The following HIGD1B variants were observed in gnomAD, a reference collection of about 807,000 sequenced individuals.
HIGD1B encodes HIG1 domain family member 1B.
In HIGD1B, 9 loss-of-function variants were observed where a neutral mutation model predicts 8.8. The observed-to-expected ratio is 1.02, with a 90% CI of 0.62 to 1.78. The LOEUF (loss-of-function observed/expected upper bound fraction) is 1.78. Among genes scored for constraint, HIGD1B ranks in the 40% most tolerant of loss-of-function variants. HIGD1B has a pLI of 0.00. For missense variants in HIGD1B, 126 were observed against 111.8 expected (o/e 1.13, Z -0.57); for synonymous variants, 47 against 38.8 (o/e 1.21, Z -0.78).
upstream of HIGD1B, among the ~76,000 whole-genome samples, chr17:44,846,676 C>G (rs1243602904): frequency 6.6e-6 from 1 of 151,792 alleles, no homozygotes; most frequent in African/African-American, 2.4e-5. Flanking sequence ...CACCTGTAGT[C>G]CCAGCTACTT....
At chr17:44,848,279 G>C (rs750413857) in intron 1 of HIGD1B, 27 bp downstream of exon 1, 3 of 866,018 alleles carry the variant, frequency 3.5e-6, no homozygotes, top group Non-Finnish European at 6.0e-6. Flanking sequence ...ATGGGGTGCC[G>C]AGTAGGAGGC....
chr17:44,849,109 C>A, intron 1 of HIGD1B, 145 bp from the exon 2 acceptor site: 1 of 853,992 alleles, frequency 1.2e-6, no homozygotes. Context: ...CCCCTAGGTC[C>A]CCCGCAACGC....
chr17:44,845,076 G>A (rs953634962), upstream of HIGD1B, among the ~76,000 whole-genome samples: 1 of 151,936 alleles, frequency 6.6e-6, no homozygotes, highest in African/African-American at 2.4e-5. Flanking sequence ...TGGCCAACAT[G>A]ATGAAACCCC....
rs867693445 is a variant in HIGD1B, at chr17:44,849,273, G to A, written c.120G>A (p.Val40=). Residue 40 remains valine (V), a synonymous_variant, in exon 2 of 3, where the codon GTG becomes GTA. Coordinates refer to ENST00000253410, the MANE Select transcript of HIGD1B (RefSeq NM_016438.4). ...LVPIGLGGCL[V]VAAYRIYRLR... Reference sequence around the variant, plus strand: ...CCACAGGCTTAGGAGGCTGCTTGGTGGTAGCAGCATACAGGATTTACCGGC... The same window carrying A: ...CCACAGGCTTAGGAGGCTGCTTGGTAGTAGCAGCATACAGGATTTACCGGC... 6.2e-7 allele frequency: 1 copy of A among 1,614,104 alleles called. No individual in the cohort carries two copies. The highest frequency in any genetic ancestry group is 8.5e-7 in the Non-Finnish European group (1 of 1,179,994).
upstream of HIGD1B, among the ~76,000 whole-genome samples, chr17:44,846,795 A>AG (rs2145406179): frequency 6.7e-6 from 1 of 149,666 alleles, no homozygotes; most frequent in East Asian, 2.0e-4. Context: ...AAAAAAAAAA[A>AG]AAAGAAGAAA....
chr17:44,847,884 G>C lies in HIGD1B; in HGVS notation c.-269G>C, dbSNP rs1261108262. The C allele has an allele frequency of 5.7e-6, 2 of 351,708 alleles. No individual in the cohort carries two copies. Among genetic ancestry groups the C allele is most frequent in the African/African-American group, 4.3e-5 (2 of 46,294 alleles). 21.8% of individuals were successfully genotyped at this position (351,708 alleles called of 1,614,324 possible). ...GGGGGAAGGGGAAGCTGAGAAAGCA[G>C]TGAAGACAGAATGAGCTGGGGAAGA... On this transcript the variant is annotated 5_prime_UTR_variant, in exon 1 of 3. Transcript: ENST00000253410.
Position 44,850,397 on chromosome 17 carries a change from G to A in HIGD1B, c.*1G>A. The A allele has an allele frequency of 1.2e-6, 2 of 1,610,836 alleles. No homozygotes were observed. The highest frequency in any genetic ancestry group is 1.3e-5 in the African/African-American group (1 of 75,024). ...GGCACAGGATGCTGGAGAGAAGTAG[G>A]ACTCCTATAGGAGCCGGGGCTGTCC... On this transcript the variant is annotated 3_prime_UTR_variant, in exon 3 of 3. Coordinates refer to ENST00000253410, the MANE Select transcript of HIGD1B (RefSeq NM_016438.4).
At chr17:44,847,349 C>T (rs544512680), upstream of HIGD1B, among the ~76,000 whole-genome samples, 84 of 152,250 alleles carry the variant, frequency 5.5e-4, no homozygotes, top group African/African-American at 1.7e-3. Context: ...AGGAGAATGG[C>T]GTGAACCCGG....
chr17:44,849,112 C>A (rs558549457), intron 1 of HIGD1B, 142 bp from the exon 2 acceptor site: 3 of 936,872 alleles, frequency 3.2e-6, no homozygotes, highest in Non-Finnish European at 4.7e-6. Context: ...CTAGGTCCCC[C>A]GCAACGCCCA....
chr17:44,848,712 G>GGGGAGGGGTGTCACGGGA, intron 1 of HIGD1B, among the ~76,000 whole-genome samples: 1 of 151,548 alleles, frequency 6.6e-6, no homozygotes, highest in East Asian at 1.9e-4. Context: ...TTTGTATATG[G>GGGGAGGGGTGTCACGGGA]GGGAGGGGTG....
Position 44,850,432 on chromosome 17 carries a change from A to G in HIGD1B, c.*36A>G, listed in dbSNP as rs778731433. 3.4e-6 allele frequency: 5 copies of G among 1,481,154 alleles called. No homozygotes were observed. In the Admixed American group the frequency reaches 8.6e-5, roughly 26 times the overall value. The allele number at this position is 1,481,154 out of a possible 1,614,324, so 91.8% of individuals were successfully genotyped here. A position where few individuals can be genotyped will look rare whatever the true frequency, so the allele number is the denominator to read the frequency against. ...GGAGCCGGGGCTGTCCAACTCCCCT[A>G]ACTCAATCCCTGGTACATTCCTAAT... On this transcript the variant is annotated 3_prime_UTR_variant, in exon 3 of 3. Transcript: ENST00000253410.
chr17:44,848,545 A>G (rs1380398154), intron 1 of HIGD1B, among the ~76,000 whole-genome samples: 4 of 152,136 alleles, frequency 2.6e-5, no homozygotes, highest in Non-Finnish European at 5.9e-5. Flanking sequence ...TTCCTTCCTT[A>G]TGGCCCTGGT....
At position 44,847,930 on chromosome 17, in the gene HIGD1B, G is replaced by C. The variant is rs2050340261; in HGVS notation, c.-223G>C. On this transcript the variant is annotated 5_prime_UTR_variant, in exon 1 of 3. Coordinates refer to ENST00000253410, the MANE Select transcript of HIGD1B (RefSeq NM_016438.4). ...GAAGAGGCAGATGGTAGGAAATGGA[G>C]ACGGAGAAATGGCACTAATGGCCCA... 2.2e-6 allele frequency: 1 copy of C among 454,422 alleles called. No homozygotes were observed. 28.1% of individuals were successfully genotyped at this position (454,422 alleles called of 1,614,324 possible).
intron 2 of HIGD1B, among the ~76,000 whole-genome samples, chr17:44,849,758 C>CAAAAA (rs61617877): frequency 1.9e-5 from 1 of 52,532 alleles, no homozygotes; most frequent in Non-Finnish European, 3.8e-5. Context: ...GACTCTGTCT[C>CAAAAA]AAAAAAAAAA....
chr17:44,848,895 C>G lies in HIGD1B; in HGVS notation c.101-359C>G, dbSNP rs1485230024. Among the ~76,000 whole-genome samples, 3 of 152,080 alleles carry G rather than the reference C, an allele frequency of 2.0e-5. No individual in the cohort carries two copies. In the East Asian group the frequency reaches 5.8e-4, roughly 29 times the overall value. ...GGTTCAAGTGGTTCTCCTGCATCAG[C>G]CTCCTGAGTAGTTGGGATTATAGGC... is the stretch of plus-strand genomic sequence containing the variant. On this transcript the variant is annotated intron_variant, in intron 1 of 2. Coordinates refer to ENST00000253410, the MANE Select transcript of HIGD1B (RefSeq NM_016438.4).
rs1433800329 is a variant in HIGD1B at position 44,847,899 on chromosome 17, G to C, written c.-254G>C. The C allele has an allele frequency of 5.1e-6, 2 of 391,570 alleles. No homozygotes were observed. The highest frequency in any genetic ancestry group is 2.1e-5 in the African/African-American group (1 of 47,512). The allele number at this position is 391,570 out of a possible 1,614,324, so 24.3% of individuals were successfully genotyped here. A position where few individuals can be genotyped will look rare whatever the true frequency, so the allele number is the denominator to read the frequency against. ...TGAGAAAGCAGTGAAGACAGAATGAGCTGGGGAAGAGGCAGATGGTAGGAA... is the reference window on the plus strand; with the variant it reads ...TGAGAAAGCAGTGAAGACAGAATGACCTGGGGAAGAGGCAGATGGTAGGAA... On this transcript the variant is annotated 5_prime_UTR_variant, in exon 1 of 3. Coordinates refer to ENST00000253410, the MANE Select transcript of HIGD1B (RefSeq NM_016438.4).
At chr17:44,849,572 C>T (rs1008060821) in intron 2 of HIGD1B, among the ~76,000 whole-genome samples, 184 bp downstream of exon 2, 12 of 151,930 alleles carry the variant, frequency 7.9e-5, no homozygotes, top group Admixed American at 5.2e-4. Flanking sequence ...CCATCCTGGC[C>T]AACATGGTGA....
In HIGD1B at chr17:44,850,386, G is replaced by A. The variant is rs150786149; in HGVS notation, c.290G>A (p.Gly97Glu). ...GTCAAGAGGATGGCACAGGATGCTG[G>A]AGAGAAGTAGGACTCCTATAGGAGC... ...DYVKRMAQDA[G>E]EK The change falls in exon 3 of 3, where the codon GGA becomes GAA. Residue 97 changes from glycine (G) to glutamate (E), a missense_variant. Gly to Glu is a moderately conservative substitution (Grantham distance 98). Coordinates refer to ENST00000253410, the MANE Select transcript of HIGD1B (RefSeq NM_016438.4). 1 of 1,612,608 alleles carries A rather than the reference G, an allele frequency of 6.2e-7. No individual in the cohort carries two copies. The highest frequency in any genetic ancestry group is 1.1e-5 in the South Asian group (1 of 90,678).
rs779573328 is a variant in HIGD1B at position 44,848,228 on chromosome 17, C to T, written c.76C>T (p.Arg26Trp). 5.3e-5 allele frequency: 46 copies of T among 872,728 alleles called. No homozygotes were observed. The Admixed American group carries it at 5.7e-4, about 11-fold the overall frequency. 54.1% of individuals were successfully genotyped at this position (872,728 alleles called of 1,614,324 possible). Reference protein sequence around the residue: ...CVSEKLLRKTRESPLVPIGLG... With the variant: ...CVSEKLLRKTWESPLVPIGLG... ...GTCTGAGAAGCTCCTGAGGAAGACT[C>T]GGGAATCTCCACTGGTGCCTATAGG... is the stretch of plus-strand genomic sequence containing the variant. Residue 26 changes from arginine to tryptophan, a missense_variant, in exon 1 of 3, where the codon CGG becomes TGG. Coordinates refer to ENST00000253410, the MANE Select transcript of HIGD1B (RefSeq NM_016438.4).
Sources: gnomAD v4.1 joint callset for allele counts (sites outside exome capture counted in the v4.1 genomes callset) on GRCh38, gnomAD v4.1.1 for gene constraint, MANE v1.5 for transcripts, NCBI Gene and HGNC (gene_info 2026-07-23, HGNC 2026-07-21) for gene names.